The following TRRAP variants were observed in gnomAD, a reference collection of about 807,000 sequenced individuals.
TRRAP encodes the protein transformation/transcription domain associated protein, also known as transformation/transcription domain-associated protein.
A neutral mutation model predicts 438.8 loss-of-function variants in TRRAP; 41 were observed. The observed-to-expected ratio is 0.09, with a 90% CI of 0.07 to 0.12. TRRAP has a LOEUF of 0.12. Ranked by LOEUF, TRRAP falls within the 10% of genes least tolerant of loss-of-function variation. The pLI is 1.00. For missense variants in TRRAP, 3,122 were observed against 5,055.1 expected (o/e 0.62, Z 11.60); for synonymous variants, 1,994 against 1,962.9 (o/e 1.02, Z -0.42).
At chr7:99,008,642 T>G (rs1331313049) in intron 70 of TRRAP, 81 bp downstream of exon 70, 9 of 1,485,782 alleles carry the variant, frequency 6.1e-6, no homozygotes, top group East Asian at 2.3e-5. Context: ...CAGGGGTGTT[T>G]AGGAGATGAA....
intron 1 of TRRAP, among the ~76,000 whole-genome samples, 152 bp downstream of exon 1, chr7:98,878,789 TG>T (rs1795280431): frequency 6.6e-6 from 1 of 151,864 alleles, no homozygotes; most frequent in Non-Finnish European, 1.5e-5. Context: ...AGAGCCCACC[TG>T]GGGCTGCGGG....
At chr7:98,909,943 A>G (rs1439964117) in intron 14 of TRRAP, 113 bp from the exon 15 acceptor site, 2 of 1,447,944 alleles carry the variant, frequency 1.4e-6, no homozygotes, top group Middle Eastern at 2.1e-4. Flanking sequence ...GAAAAGCAGC[A>G]TGACTTGAGC....
rs917447051 is a variant in TRRAP at position 98,976,956 on chromosome 7, T to G, written c.8265T>G (p.Leu2755=). Residue 2755 remains leucine (L), a synonymous_variant, in exon 56 of 73, where the codon CTT becomes CTG. Coordinates refer to ENST00000456197, the MANE Select transcript of TRRAP (RefSeq NM_001375524.1). The surrounding 1 kb of genome is among the most constrained non-coding windows in gnomAD (Gnocchi z 4.6). ...GTTTTCAGGAGATACTGGATTCCCTTGCGGAGCTTTACTCCCTGTTACAAG... is the reference window on the plus strand; with the variant it reads ...GTTTTCAGGAGATACTGGATTCCCTGGCGGAGCTTTACTCCCTGTTACAAG... ...TPPQQEILDS[L]AELYSLLQEE... 1.9e-6 allele frequency: 3 copies of G among 1,614,076 alleles called. No individual in the cohort carries two copies. The highest frequency in any genetic ancestry group is 2.5e-6 in the Non-Finnish European group (3 of 1,180,050).
rs1455199073 is a variant in TRRAP, at chr7:98,995,985, C to A, written c.10309+1137C>A. ...CATCCCCATCCCATCCTCATACCCC[C>A]ATCCCATCCATGCACCCCCGTCCCA... is the stretch of plus-strand genomic sequence containing the variant. On this transcript the variant is annotated intron_variant, in intron 67 of 72. Coordinates refer to ENST00000456197, the MANE Select transcript of TRRAP (RefSeq NM_001375524.1). 7.4e-5 allele frequency among the ~76,000 whole-genome samples: 11 copies of A among 148,788 alleles called. No homozygotes were observed. The East Asian group carries it at 2.2e-3, about 30-fold the overall frequency.
At chr7:98,900,876 A>G (rs777706128) in intron 11 of TRRAP, among the ~76,000 whole-genome samples, 156 bp downstream of exon 11, 41 of 152,174 alleles carry the variant, frequency 2.7e-4, no homozygotes, top group Non-Finnish European at 4.6e-4. Context: ...CCAAAATTCC[A>G]TTGTTATATA....
intron 39 of TRRAP, among the ~76,000 whole-genome samples, chr7:98,952,633 G>A (rs1554418405): frequency 1.3e-5 from 2 of 152,182 alleles, no homozygotes. Context: ...AGACATTTGT[G>A]CCTTTCTCTA....
chr7:98,984,464 G>A (rs549925025), intron 61 of TRRAP, 106 bp downstream of exon 61: 18 of 1,362,602 alleles, frequency 1.3e-5, no homozygotes, highest in Admixed American at 7.8e-5. Context: ...AGGTGGACTC[G>A]AACTTTCCAC....
chr7:98,963,128 A>G (rs1304097252), intron 47 of TRRAP, among the ~76,000 whole-genome samples: 1 of 152,224 alleles, frequency 6.6e-6, no homozygotes, highest in Admixed American at 6.5e-5. Flanking sequence ...ATCATATTCT[A>G]TACACACGTA....
At chr7:98,927,609 T>C (rs1286375476) in intron 23 of TRRAP, among the ~76,000 whole-genome samples, 1 of 152,220 alleles carries the variant, frequency 6.6e-6, no homozygotes, top group African/African-American at 2.4e-5. Context: ...AATTTAATAA[T>C]ACTTCTGTGT....
chr7:98,927,051 C>G lies in TRRAP; in HGVS notation c.2976-116C>G. 3 of 1,139,184 alleles carry G rather than the reference C, an allele frequency of 2.6e-6. No individual in the cohort carries two copies. In the South Asian group the frequency reaches 4.5e-5, roughly 17 times the overall value. The allele number at this position is 1,139,184 out of a possible 1,614,324, so 70.6% of individuals were successfully genotyped here. A position where few individuals can be genotyped will look rare whatever the true frequency, so the allele number is the denominator to read the frequency against. On this transcript the variant is annotated intron_variant, in intron 22 of 72. Transcript: ENST00000456197. ...CTGAAATTAAAGCAGATAAATTACC[C>G]AGGCCTGTCTGAATAAGAGGGAAGC...
chr7:98,991,028 T>C (rs1362600049), intron 64 of TRRAP, among the ~76,000 whole-genome samples: 1 of 152,224 alleles, frequency 6.6e-6, no homozygotes, highest in East Asian at 1.9e-4. Context: ...AACTAAAACA[T>C]GCCCAATTGT....
At position 98,930,678 on chromosome 7, in the gene TRRAP, G is replaced by A; in HGVS notation, c.3439G>A (p.Ala1147Thr). ...TTCTTACATCGTGGAGCGCCTGTGTGCATGTTGTTATGAACAGGCGTGGTA... is the reference window on the plus strand; with the variant it reads ...TTCTTACATCGTGGAGCGCCTGTGTACATGTTGTTATGAACAGGCGTGGTA... ...LFSYIVERLC[A>T]CCYEQAWYAK... is the part of the protein sequence containing the mutation. The change falls in exon 25 of 73, where the codon GCA becomes ACA. Residue 1147 changes from alanine (A) to threonine (T), a missense_variant. Coordinates refer to ENST00000456197, the MANE Select transcript of TRRAP (RefSeq NM_001375524.1). 1 of 1,614,164 alleles carries A rather than the reference G, an allele frequency of 6.2e-7. No homozygotes were observed. The highest frequency in any genetic ancestry group is 1.1e-5 in the South Asian group (1 of 91,082).
rs554421710 is a variant in TRRAP, at chr7:98,920,021, A to G, written c.2623-1732A>G. Among the ~76,000 whole-genome samples, 3 of 152,330 alleles carry G rather than the reference A, an allele frequency of 2.0e-5. No homozygotes were observed. The South Asian group carries it at 6.2e-4, about 32-fold the overall frequency. ...TAGATGAGGTGAGAGGTCTTAGACT[A>G]CTTTTCTGACAATTATTAAGAAGCC... is the stretch of plus-strand genomic sequence containing the variant. On this transcript the variant is annotated intron_variant, in intron 20 of 72. Transcript: ENST00000456197.
At chr7:98,963,035 A>C (rs1306933808) in intron 47 of TRRAP, among the ~76,000 whole-genome samples, 1 of 152,234 alleles carries the variant, frequency 6.6e-6, no homozygotes, top group East Asian at 1.9e-4. Flanking sequence ...AACTTTGAAA[A>C]TACAAATGAA....
chr7:99,009,072 C>T lies in TRRAP; in HGVS notation c.10938+511C>T, dbSNP rs529536346. The stretch of plus-strand genomic sequence containing the variant: ...CCCAGCTGTTTCGGTTGCCTGAGCC[C>T]GGAGCATGGTGCCCGCAGGAGTCTT... On this transcript the variant is annotated intron_variant, in intron 70 of 72. Transcript: ENST00000456197. Among the ~76,000 whole-genome samples, 8 of 152,254 alleles carry T rather than the reference C, an allele frequency of 5.3e-5. No homozygotes were observed. In the East Asian group the frequency reaches 1.2e-3, roughly 22 times the overall value.
At chr7:98,984,534 A>T (rs1362166943) in intron 61 of TRRAP, among the ~76,000 whole-genome samples, 176 bp downstream of exon 61, 1 of 152,192 alleles carries the variant, frequency 6.6e-6, no homozygotes, top group Non-Finnish European at 1.5e-5. Flanking sequence ...AAAGGAAGCT[A>T]CTTGACTGTG....
intron 52 of TRRAP, among the ~76,000 whole-genome samples, chr7:98,970,494 C>T (rs191559966): frequency 1.0e-3 from 159 of 152,228 alleles, no homozygotes; most frequent in Middle Eastern, 3.4e-3. Context: ...CTTGGTCCTG[C>T]GGAAGAAGTT....
At chr7:98,970,663 C>T (rs1317106235) in intron 52 of TRRAP, among the ~76,000 whole-genome samples, 1 of 151,912 alleles carries the variant, frequency 6.6e-6, no homozygotes, top group African/African-American at 2.4e-5. Context: ...AGATGAATCA[C>T]GTTACCATGA....
In TRRAP at chr7:98,918,299, C is replaced by T. The variant is rs138270163; in HGVS notation, c.2622+620C>T. Reference sequence around the variant, plus strand: ...AGGCTGGAGTGCAGAGGCGCGATCTCGGCTCACTGCAACCTCCGCCTCCCG... The same window carrying T: ...AGGCTGGAGTGCAGAGGCGCGATCTTGGCTCACTGCAACCTCCGCCTCCCG... On this transcript the variant is annotated intron_variant, in intron 20 of 72. Transcript: ENST00000456197. Among the ~76,000 whole-genome samples, 856 of 143,302 alleles carry T rather than the reference C, an allele frequency of 6.0e-3. 12 individuals carry two copies. Among genetic ancestry groups the T allele is most frequent in the African/African-American group, 0.021 (781 of 37,672 alleles). 94.0% of individuals were successfully genotyped at this position (143,302 alleles called of 152,430 possible). A position where few individuals can be genotyped will look rare whatever the true frequency, so the allele number is the denominator to read the frequency against.
Sources: gnomAD v4.1 joint callset for allele counts (sites outside exome capture counted in the v4.1 genomes callset) on GRCh38, gnomAD v4.1.1 for gene constraint, Gnocchi (gnomAD v3.1) non-coding constraint, MANE v1.5 for transcripts, NCBI Gene and HGNC (gene_info 2026-07-23, HGNC 2026-07-21) for gene names.